The following RBMS3 variants were observed in gnomAD, a reference collection of about 807,000 sequenced individuals.
The protein encoded by RBMS3 is RNA-binding motif, single-stranded-interacting protein 3.
RBMS3 carries 27 observed loss-of-function variants against 66.8 expected under a neutral mutation model. That is an observed-to-expected ratio of 0.40 (90% CI 0.30 to 0.56). RBMS3 has a LOEUF of 0.56. Among genes scored for constraint, RBMS3 ranks in the 20% least tolerant of loss-of-function variants. RBMS3 has a pLI of 0.40. For synonymous variants in RBMS3, 188 were observed against 183.0 expected, an observed-to-expected ratio of 1.03 and a Z score of -0.22; for missense variants, 513 against 549.5, an observed-to-expected ratio of 0.93 and a Z score of 0.66.
chr3:29,317,848 G>A (rs1249551007), intron 1 of RBMS3, among the ~76,000 whole-genome samples: 1 of 151,728 alleles, frequency 6.6e-6, no homozygotes, highest in African/African-American at 2.4e-5. Context: ...CTCATGGAAA[G>A]AACAGCTTGT....
chr3:29,316,558 C>T (rs538176323), intron 1 of RBMS3, among the ~76,000 whole-genome samples: 49 of 151,768 alleles, frequency 3.2e-4, no homozygotes, highest in African/African-American at 1.2e-3. Flanking sequence ...TGTGCTCACT[C>T]TGCTCTATGT....
chr3:29,387,792 T>C (rs973139608), intron 1 of RBMS3, among the ~76,000 whole-genome samples: 1 of 152,036 alleles, frequency 6.6e-6, no homozygotes, highest in Non-Finnish European at 1.5e-5. Flanking sequence ...ATTCATGCCA[T>C]GCTTTTCTGC....
chr3:29,423,211 A>G (rs756718595), intron 1 of RBMS3, among the ~76,000 whole-genome samples: 6 of 152,216 alleles, frequency 3.9e-5, no homozygotes, highest in Non-Finnish European at 8.8e-5. Context: ...CCAGGCAGGC[A>G]GCTTGTCTGC....
intron 10 of RBMS3, among the ~76,000 whole-genome samples, chr3:29,932,462 T>TA (rs1208529484): frequency 6.6e-6 from 1 of 152,166 alleles, no homozygotes; most frequent in Non-Finnish European, 1.5e-5. Context: ...CTTGTTAAAA[T>TA]ACAGATTTCA....
chr3:29,841,457 T>A (rs746592794), intron 6 of RBMS3, among the ~76,000 whole-genome samples: 1 of 151,976 alleles, frequency 6.6e-6, no homozygotes, highest in African/African-American at 2.4e-5. Context: ...TTGTTCAGAA[T>A]ACGATTTGTT....
chr3:29,676,863 T>A (rs1458795289), intron 4 of RBMS3, among the ~76,000 whole-genome samples: 4 of 152,122 alleles, frequency 2.6e-5, no homozygotes, highest in African/African-American at 9.7e-5. Context: ...TTTCTTTGCT[T>A]GCTGTATTAG....
Position 29,936,182 on chromosome 3 carries a change from G to A in RBMS3, c.1036G>A (p.Gly346Ser). ...ACAGCAGATGAATCACCTTTCGTTG[G>A]GCACAACAGGAACGGTGAGTTGAAG... ...LTQQMNHLSL[G>S]TTGTIQSQDR... is the part of the protein sequence containing the mutation. Residue 346 changes from glycine (G) to serine (S), a missense_variant, in exon 11 of 15, where the codon GGC becomes AGC. Physicochemically the swap from Gly to Ser is moderately conservative, Grantham distance 56 (BLOSUM62 0). Coordinates refer to ENST00000383767, the MANE Select transcript of RBMS3 (RefSeq NM_001003793.3). 1 of 1,612,792 alleles carries A rather than the reference G, an allele frequency of 6.2e-7. No homozygotes were observed. The highest frequency in any genetic ancestry group is 8.5e-7 in the Non-Finnish European group (1 of 1,179,304).
intron 3 of RBMS3, among the ~76,000 whole-genome samples, chr3:29,564,139 C>T (rs1176159586): frequency 6.6e-6 from 1 of 152,088 alleles, no homozygotes; most frequent in African/African-American, 2.4e-5. Context: ...TGAAACCCAC[C>T]TGCATAATTT....
chr3:29,858,762 C>G (rs1465243540), intron 6 of RBMS3, among the ~76,000 whole-genome samples: 1 of 152,152 alleles, frequency 6.6e-6, no homozygotes, highest in Non-Finnish European at 1.5e-5. Context: ...CCTTTTAGAA[C>G]CATCTTTTTA....
intron 1 of RBMS3, among the ~76,000 whole-genome samples, chr3:29,371,918 T>C (rs1477560852): frequency 6.6e-6 from 1 of 152,246 alleles, no homozygotes; most frequent in African/African-American, 2.4e-5. Context: ...GATTCCTCTA[T>C]TCATTTATTT....
intron 7 of RBMS3, among the ~76,000 whole-genome samples, chr3:29,877,740 C>G (rs576544375): frequency 6.6e-6 from 1 of 152,086 alleles, no homozygotes; most frequent in Non-Finnish European, 1.5e-5. Flanking sequence ...CTGACTGTGC[C>G]GGAGTTGTTC....
intron 6 of RBMS3, among the ~76,000 whole-genome samples, chr3:29,811,205 CTGGGGCTCTCCT>C (rs1456035665): frequency 6.6e-6 from 1 of 152,110 alleles, no homozygotes; most frequent in Non-Finnish European, 1.5e-5. Flanking sequence ...TCGCTGAAGA[CTGGGGCTCTCCT>C]TGGGGCTCTC....
rs949417529 is a variant in RBMS3, at chr3:29,578,888, G to A, written c.308-8226G>A. 9.3e-5 allele frequency among the ~76,000 whole-genome samples: 12 copies of A among 128,428 alleles called. 2 individuals are homozygous for A. Among genetic ancestry groups the A allele is most frequent in the Non-Finnish European group, 1.4e-4 (9 of 63,726 alleles). 84.3% of individuals were successfully genotyped at this position (128,428 alleles called of 152,430 possible). A position where few individuals can be genotyped will look rare whatever the true frequency, so the allele number is the denominator to read the frequency against. The stretch of plus-strand genomic sequence containing the variant: ...GCAATCTCGGCTCACTGCAAGCTCC[G>A]CTTCCCGGGTTCACGCCATTCTCCT... On this transcript the variant is annotated intron_variant, in intron 3 of 14. Transcript: ENST00000383767.
intron 4 of RBMS3, among the ~76,000 whole-genome samples, chr3:29,708,029 A>AGC (rs1188707535): frequency 4.6e-5 from 7 of 152,220 alleles, no homozygotes; most frequent in African/African-American, 1.2e-4. Flanking sequence ...AGGCCTGCCG[A>AGC]GGGCTGATTG....
chr3:29,393,791 CT>C (rs148038397), intron 1 of RBMS3, among the ~76,000 whole-genome samples: 20,431 of 151,940 alleles, frequency 0.13, 1,716 homozygotes, highest in East Asian at 0.35. Flanking sequence ...GTGATGCCCC[CT>C]GAGCCACAAA....
intron 1 of RBMS3, among the ~76,000 whole-genome samples, chr3:29,327,552 C>T (rs1215447105): frequency 1.3e-5 from 2 of 152,184 alleles, no homozygotes; most frequent in Non-Finnish European, 2.9e-5. Context: ...TTCTTCTAAT[C>T]TGGAAATATA....
intron 4 of RBMS3, among the ~76,000 whole-genome samples, chr3:29,709,123 G>A (rs1261999768): frequency 6.6e-6 from 1 of 152,056 alleles, no homozygotes; most frequent in East Asian, 1.9e-4. Flanking sequence ...CCTTTCACAG[G>A]CAATGACCCC....
chr3:29,326,065 A>G (rs2035317952), intron 1 of RBMS3, among the ~76,000 whole-genome samples: 1 of 152,146 alleles, frequency 6.6e-6, no homozygotes, highest in African/African-American at 2.4e-5. Flanking sequence ...CACTGAGATT[A>G]TGGTGTTTTT....
At chr3:29,612,683 G>A (rs2048532296) in intron 4 of RBMS3, among the ~76,000 whole-genome samples, 2 of 151,852 alleles carry the variant, frequency 1.3e-5, no homozygotes, top group Admixed American at 1.3e-4. Context: ...AGAATAAATG[G>A]TTATGAATGA....
Sources: allele counts gnomAD v4.1 joint callset (sites outside exome capture counted in the v4.1 genomes callset), GRCh38; gene constraint gnomAD v4.1.1; transcripts MANE v1.5; gene names NCBI Gene and HGNC (gene_info 2026-07-23, HGNC 2026-07-21).